The following SLC61A1 variants were observed in gnomAD, a reference collection of about 807,000 sequenced individuals.
SLC61A1 encodes major facilitator superfamily domain containing 5.
the SLC61A1 span, chr12:53,252,162 G>A: frequency 2.1e-6 from 3 of 1,433,392 alleles, no homozygotes; most frequent in Non-Finnish European, 2.7e-6. Context: ...TGTGAGGGGC[G>A]GGAGCGCTGC....
chr12:53,253,599 T>C, the SLC61A1 span: 3 of 1,613,884 alleles, frequency 1.9e-6, no homozygotes, highest in Non-Finnish European at 2.5e-6. Flanking sequence ...TTGGGCACCA[T>C]ACAAGCTCTA....
chr12:53,253,303 C>G, the SLC61A1 span: 6 of 1,614,268 alleles, frequency 3.7e-6, no homozygotes, highest in Non-Finnish European at 5.1e-6. Flanking sequence ...TCCATGAGCA[C>G]GTGGAACGGC....
the SLC61A1 span, chr12:53,251,432 A>T: frequency 2.6e-6 from 1 of 379,456 alleles, no homozygotes; most frequent in African/African-American, 2.0e-5. Context: ...AGCTGTAGAG[A>T]GGTTAAATAG....
At chr12:53,254,071 C>T in the SLC61A1 span, 1 of 1,614,198 alleles carries the variant, frequency 6.2e-7, no homozygotes. Flanking sequence ...TCAGCATTTG[C>T]TCTGCTGTCA....
the SLC61A1 span, chr12:53,251,788 G>C: frequency 6.5e-7 from 1 of 1,537,294 alleles, no homozygotes; most frequent in Non-Finnish European, 8.7e-7. Flanking sequence ...CTCGGCTTCG[G>C]GCAGCGGTGC....
At chr12:53,254,082 T>C in the SLC61A1 span, 1 of 1,614,172 alleles carries the variant, frequency 6.2e-7, no homozygotes, top group Non-Finnish European at 8.5e-7. Context: ...TCTGCTGTCA[T>C]GGTGATGGCT....
chr12:53,251,623 T>C, the SLC61A1 span: 1 of 1,171,798 alleles, frequency 8.5e-7, no homozygotes, highest in Non-Finnish European at 1.2e-6. Flanking sequence ...GCCACACAGC[T>C]GGTAAGTGAC....
the SLC61A1 span, chr12:53,252,682 C>A: frequency 8.1e-7 from 1 of 1,233,096 alleles, no homozygotes; most frequent in Non-Finnish European, 1.1e-6. Flanking sequence ...ACCCACCCAA[C>A]TGGTCCCTCC....
the SLC61A1 span, chr12:53,252,191 C>T: frequency 1.1e-5 from 15 of 1,418,088 alleles, no homozygotes; most frequent in Admixed American, 3.2e-4. Context: ...GAGCCGGAGC[C>T]GGAGCCACAG....
At chr12:53,253,307 G>C in the SLC61A1 span, 3 of 1,614,272 alleles carry the variant, frequency 1.9e-6, no homozygotes, top group East Asian at 6.7e-5. Flanking sequence ...TGAGCACGTG[G>C]AACGGCATGA....
chr12:53,253,219 T>A, the SLC61A1 span: 1 of 1,614,268 alleles, frequency 6.2e-7, no homozygotes, highest in Non-Finnish European at 8.5e-7. Context: ...AAGACTACTT[T>A]GTGCTGCTAG....
At chr12:53,252,036 G>T in the SLC61A1 span, 106 of 805,188 alleles carry the variant, frequency 1.3e-4, no homozygotes, top group African/African-American at 1.8e-3. Flanking sequence ...CCGCGCCCGG[G>T]TAAGGGAAGG....
At chr12:53,252,657 G>A in the SLC61A1 span, among the ~76,000 whole-genome samples, 16 of 152,110 alleles carry the variant, frequency 1.1e-4, no homozygotes, top group Non-Finnish European at 1.8e-4. Flanking sequence ...CAGCTTTGGC[G>A]TGGCCACTCC....
At chr12:53,253,014 C>T in the SLC61A1 span, 5 of 1,614,218 alleles carry the variant, frequency 3.1e-6, no homozygotes, top group Non-Finnish European at 4.2e-6. Flanking sequence ...TGGCTTCAGG[C>T]CCCCTACCTC....
the SLC61A1 span, chr12:53,253,437 T>C: frequency 1.2e-6 from 2 of 1,614,162 alleles, no homozygotes. Context: ...CTGGGGCCTG[T>C]AGCGCCCTTT....
chr12:53,252,955 G>C, the SLC61A1 span: 1 of 1,614,192 alleles, frequency 6.2e-7, no homozygotes, highest in Non-Finnish European at 8.5e-7. Context: ...CCTTCCTTCG[G>C]TTTCAACTGG....
At chr12:53,251,720 T>C in the SLC61A1 span, 11 of 1,531,322 alleles carry the variant, frequency 7.2e-6, no homozygotes, top group Non-Finnish European at 9.6e-6. Context: ...TGGACCATAC[T>C]GGCTTCTCTT....
chr12:53,252,038 A>G, the SLC61A1 span: 6 of 1,235,868 alleles, frequency 4.9e-6, no homozygotes, highest in South Asian at 3.9e-5. Context: ...GCGCCCGGGT[A>G]AGGGAAGGAG....
the SLC61A1 span, chr12:53,251,335 A>C: frequency 5.5e-6 from 1 of 182,768 alleles, no homozygotes; most frequent in African/African-American, 2.4e-5. Flanking sequence ...CAGAGGACAG[A>C]GGGTCTTGTA....
Sources: gnomAD v4.1 joint callset for allele counts (sites outside exome capture counted in the v4.1 genomes callset) on GRCh38, gnomAD v4.1.1 for gene constraint, MANE v1.5 for transcripts, NCBI Gene and HGNC (gene_info 2026-07-23, HGNC 2026-07-21) for gene names.